ZNF550: variants seen among roughly 807,000 people sequenced by gnomAD.
The protein encoded by ZNF550 is zinc finger protein 550.
Under a neutral mutation model 40.2 loss-of-function variants are expected in ZNF550, and 42 were observed. The ratio of observed to expected loss-of-function variants is 1.05; its 90% CI spans 0.82 to 1.35. ZNF550 has a LOEUF of 1.35. Ranked by LOEUF, ZNF550 falls within the 40% of genes most tolerant of loss-of-function variation. The pLI is 0.00. For missense variants in ZNF550, 549 were observed against 525.2 expected (o/e 1.05, Z -0.44); for synonymous variants, 223 against 198.6 (o/e 1.12, Z -1.03).
intron 3 of ZNF550, among the ~76,000 whole-genome samples, chr19:57,549,114 G>C (rs955898717): frequency 4.6e-5 from 7 of 151,944 alleles, no homozygotes; most frequent in Non-Finnish European, 8.8e-5. Flanking sequence ...AGCACAACCG[G>C]GTGGCTATAG....
chr19:57,543,437 T>C (rs1449433720), intron 4 of ZNF550: 2 of 275,908 alleles, frequency 7.2e-6, no homozygotes, highest in East Asian at 3.5e-4. Context: ...TTCTAATTCG[T>C]CTTTGCATGA....
chr19:57,558,258 C>T (rs950900132), intron 1 of ZNF550, among the ~76,000 whole-genome samples: 1 of 152,146 alleles, frequency 6.6e-6, no homozygotes, highest in Non-Finnish European at 1.5e-5. Flanking sequence ...AGTGCAAGGG[C>T]AAAGGCTGAA....
intron 3 of ZNF550, among the ~76,000 whole-genome samples, chr19:57,549,521 G>A (rs1599892836): frequency 6.6e-6 from 1 of 152,172 alleles, no homozygotes; most frequent in African/African-American, 2.4e-5. Flanking sequence ...CACCTAATGA[G>A]ACTGGAAAGA....
intron 3 of ZNF550, among the ~76,000 whole-genome samples, chr19:57,548,359 G>A (rs2090043246): frequency 6.6e-6 from 1 of 152,034 alleles, no homozygotes; most frequent in Non-Finnish European, 1.5e-5. Flanking sequence ...AATATATAAG[G>A]AGCTTAAACC....
intron 3 of ZNF550, among the ~76,000 whole-genome samples, chr19:57,549,421 G>A (rs2090053203): frequency 6.6e-6 from 1 of 151,812 alleles, no homozygotes; most frequent in Non-Finnish European, 1.5e-5. Context: ...CTCTAGCCTG[G>A]GCAACAAGAG....
chr19:57,544,146 C>T (rs1248381820), intron 4 of ZNF550: 3 of 985,264 alleles, frequency 3.0e-6, no homozygotes, highest in African/African-American at 1.7e-5. Flanking sequence ...GACCCATAGC[C>T]CAGCCATCCA....
intron 4 of ZNF550, among the ~76,000 whole-genome samples, chr19:57,545,690 TG>T (rs2123335981): frequency 6.6e-6 from 1 of 152,222 alleles, no homozygotes; most frequent in Admixed American, 6.5e-5. Context: ...GAGACAAATC[TG>T]GGGAACACAG....
chr19:57,551,515 G>A (rs554554674), intron 3 of ZNF550, among the ~76,000 whole-genome samples: 2 of 152,184 alleles, frequency 1.3e-5, no homozygotes, highest in Non-Finnish European at 1.5e-5. Flanking sequence ...AGGGATGAAT[G>A]GATGCTGGGT....
chr19:57,545,047 G>A lies in ZNF550; in HGVS notation c.*518+1410C>T, dbSNP rs559110030. 1.3e-3 allele frequency among the ~76,000 whole-genome samples: 202 copies of A among 152,252 alleles called. 2 individuals carry two copies. The highest frequency in any genetic ancestry group is 3.4e-3 in the Middle Eastern group (1 of 294). The stretch of plus-strand genomic sequence containing the variant: ...TGAGGCAGGAGAATCGCTTGAACCC[G>A]GGAGGCAGAGGTTGCAATGAGCCAA... On this transcript the variant is annotated intron_variant, in intron 4 of 4. Coordinates refer to ENST00000457177, the Ensembl canonical transcript of ZNF550.
chr19:57,559,277 A>G (rs1158640947), intron 1 of ZNF550, among the ~76,000 whole-genome samples: 2 of 152,136 alleles, frequency 1.3e-5, no homozygotes, highest in Non-Finnish European at 2.9e-5. Flanking sequence ...GGGGGGGAAG[A>G]GTAAATATTT....
intron 3 of ZNF550, among the ~76,000 whole-genome samples, chr19:57,548,270 G>A (rs958074701): frequency 6.6e-6 from 1 of 152,004 alleles, no homozygotes; most frequent in African/African-American, 2.4e-5. Flanking sequence ...AGATAATAGA[G>A]TTTTGATGAC....
chr19:57,546,821 G>C (rs1377131992), exon 4 of ZNF550: 3 of 1,410,236 alleles, frequency 2.1e-6, no homozygotes, highest in Non-Finnish European at 2.8e-6. Flanking sequence ...GACTGCTCAT[G>C]TGTTAGTTAA....
At chr19:57,546,450 A>G (rs1291854610) in intron 4 of ZNF550, 12 of 984,272 alleles carry the variant, frequency 1.2e-5, no homozygotes, top group Non-Finnish European at 1.4e-5. Context: ...ATAAAGCAAG[A>G]AGATACCTGT....
At chr19:57,550,452 A>T (rs2090062794) in intron 3 of ZNF550, among the ~76,000 whole-genome samples, 1 of 152,232 alleles carries the variant, frequency 6.6e-6, no homozygotes, top group Non-Finnish European at 1.5e-5. Context: ...GAAGAAACAG[A>T]TCCTGATGTT....
chr19:57,547,684 G>C lies in ZNF550; in HGVS notation c.560C>G (p.Ser187Ter), dbSNP rs945531887. Residue 187 changes from serine to a stop codon, truncating the protein, a stop_gained, in exon 4 of 5, where the codon TCA becomes TGA. Coordinates refer to ENST00000457177, the Ensembl canonical transcript of ZNF550. LOFTEE classifies it high-confidence loss of function. ...CAAGGCGTCTTTCCCTGGTTGCTGT[G>C]AGTCACATTCATGGAGAACATCTGC... 1 of 1,614,068 alleles carries C rather than the reference G, an allele frequency of 6.2e-7. No individual in the cohort carries two copies. The highest frequency in any genetic ancestry group is 1.7e-5 in the Admixed American group (1 of 60,000).
exon 4 of ZNF550, chr19:57,546,829 TAAGA>T (rs2090014239): frequency 2.1e-6 from 3 of 1,416,214 alleles, no homozygotes; most frequent in Non-Finnish European, 2.8e-6. Flanking sequence ...ATGTGTTAGT[TAAGA>T]AAGAGCTGAC....
intron 1 of ZNF550, chr19:57,557,404 A>T (rs995588737): frequency 1.3e-5 from 2 of 151,924 alleles, no homozygotes; most frequent in African/African-American, 4.8e-5. Flanking sequence ...ACCTTTCCTT[A>T]AACTTATTTA....
chr19:57,551,968 A>T (rs1401662845), intron 3 of ZNF550, among the ~76,000 whole-genome samples: 1 of 152,252 alleles, frequency 6.6e-6, no homozygotes, highest in Non-Finnish European at 1.5e-5. Context: ...TTCACAGCAT[A>T]ATGCAGACAG....
exon 5 of ZNF550, chr19:57,542,383 T>C (rs1292331368): frequency 1.3e-5 from 2 of 150,980 alleles, no homozygotes; most frequent in African/African-American, 4.9e-5. Context: ...TAGAACATAA[T>C]ACTGATGACC....
Sources: allele counts gnomAD v4.1 joint callset (sites outside exome capture counted in the v4.1 genomes callset), GRCh38; gene constraint gnomAD v4.1.1; transcripts MANE v1.5; gene names NCBI Gene and HGNC (gene_info 2026-07-23, HGNC 2026-07-21).